COL4A3: variants seen among roughly 807,000 people sequenced by gnomAD.
COL4A3 encodes collagen alpha-3(IV) chain.
Under a neutral mutation model 217.4 loss-of-function variants are expected in COL4A3, and 135 were observed. The observed-to-expected ratio is 0.62, with a 90% CI of 0.54 to 0.72. The LOEUF is 0.72. Ranked by LOEUF, COL4A3 falls within the 30% of genes least tolerant of loss-of-function variation. COL4A3 has a pLI of 0.00. For synonymous variants in COL4A3, 690 were observed against 736.3 expected (o/e 0.94, Z 1.02); for missense variants, 1,868 against 2,119.9 (o/e 0.88, Z 2.33).
chr2:227,290,812 A>G lies in COL4A3; in HGVS notation c.3136A>G (p.Ile1046Val), dbSNP rs1478306242. Residue 1046 changes from isoleucine (I) to valine (V), a missense_variant, in exon 37 of 52, where the codon ATT becomes GTT. This residue lies in a region of COL4A3 where 1,503 missense variants were observed against 1,786.1 expected (regional missense o/e 0.84). Coordinates refer to ENST00000396578, the MANE Select transcript of COL4A3 (RefSeq NM_000091.5). ...GRAGRPGLPG[I>V]HGLQGDKGEP... ...AGCAGGAAGACCAGGCCTCCCAGGT[A>G]TTCATGGTCTCCAGGGAGATAAGGG... 11 of 1,613,566 alleles carry G rather than the reference A, an allele frequency of 6.8e-6. No individual in the cohort carries two copies. The highest frequency in any genetic ancestry group is 9.3e-6 in the Non-Finnish European group (11 of 1,179,828).
At chr2:227,230,380 C>T (rs2068336573) in intron 1 of COL4A3, among the ~76,000 whole-genome samples, 1 of 152,132 alleles carries the variant, frequency 6.6e-6, no homozygotes, top group African/African-American at 2.4e-5. Flanking sequence ...TTATTAAGAG[C>T]TTTCTGTTCA....
chr2:227,230,192 G>A (rs2068325484), intron 1 of COL4A3, among the ~76,000 whole-genome samples: 1 of 152,028 alleles, frequency 6.6e-6, no homozygotes. Context: ...AAACCTTTTT[G>A]GATTCTCTAC....
At chr2:227,245,822 G>T in intron 5 of COL4A3, 132 bp from the exon 6 acceptor site, 1 of 766,188 alleles carries the variant, frequency 1.3e-6, no homozygotes. Flanking sequence ...AAACCACAAT[G>T]TACATTTACT....
chr2:227,190,675 G>A (rs960038097), intron 1 of COL4A3, among the ~76,000 whole-genome samples: 21 of 152,216 alleles, frequency 1.4e-4, no homozygotes, highest in Non-Finnish European at 2.2e-4. Context: ...GGGAGGCCAA[G>A]GCAGGCAGAT....
intron 1 of COL4A3, among the ~76,000 whole-genome samples, chr2:227,204,849 C>T (rs1470864368): frequency 2.0e-5 from 3 of 152,202 alleles, no homozygotes; most frequent in Non-Finnish European, 4.4e-5. Context: ...TGTGTACACA[C>T]ATAATCACAA....
At chr2:227,264,938 C>T (rs1019244031) in intron 21 of COL4A3, 1 of 152,306 alleles carries the variant, frequency 6.6e-6, no homozygotes, top group African/African-American at 2.4e-5. Context: ...GTCCTTCAGA[C>T]TTCAGCTTCA....
chr2:227,298,808 G>A lies in COL4A3; in HGVS notation c.3878G>A (p.Arg1293His), dbSNP rs201095498. Residue 1293 changes from arginine (R) to histidine (H), a missense_variant, in exon 43 of 52, where the codon CGT becomes CAT. Transcript: ENST00000396578. ...GTAGDMGPPGRLGAPGTPGLP... is the reference protein window; with the variant it reads ...GTAGDMGPPGHLGAPGTPGLP... ...GCAGGAGACATGGGACCACCAGGTC[G>A]TCTGGTGAGTATGGATAATTATTTT... 67 of 1,613,450 alleles carry A rather than the reference G, an allele frequency of 4.2e-5. No individual in the cohort carries two copies. The highest frequency in any genetic ancestry group is 4.7e-5 in the Non-Finnish European group (55 of 1,179,880).
chr2:227,244,927 C>G (rs931406400), intron 4 of COL4A3, 24 bp from the exon 5 acceptor site: 4 of 1,610,280 alleles, frequency 2.5e-6, no homozygotes, highest in Non-Finnish European at 3.4e-6. Flanking sequence ...TTTTGCCACC[C>G]CCTCCTTTTT....
At chr2:227,165,169 G>C (rs2065193750) in intron 1 of COL4A3, among the ~76,000 whole-genome samples, 1 of 151,990 alleles carries the variant, frequency 6.6e-6, no homozygotes, top group African/African-American at 2.4e-5. Flanking sequence ...GAGATGCACG[G>C]TGTCACGCTG....
chr2:227,244,911 T>C, intron 4 of COL4A3, 40 bp from the exon 5 acceptor site: 2 of 809,954 alleles, frequency 2.5e-6, no homozygotes, highest in African/African-American at 3.4e-5. Context: ...TTTTAAAGTT[T>C]TTTTTTTTTG....
intron 51 of COL4A3, among the ~76,000 whole-genome samples, chr2:227,311,533 C>T (rs547485356): frequency 9.9e-5 from 15 of 152,192 alleles, no homozygotes; most frequent in East Asian, 1.9e-4. Flanking sequence ...GCGTATGCCA[C>T]GACACCCATC....
At chr2:227,202,926 TATATATGTGTATATATGTGTATATATAC>T (rs2066799614) in intron 1 of COL4A3, among the ~76,000 whole-genome samples, 2 of 31,330 alleles carry the variant, frequency 6.4e-5, no homozygotes, top group African/African-American at 2.0e-4. Context: ...CATATATGTG[TATATATGTGTATATATGTGTATATATAC>T]ATATATGTGT....
intron 1 of COL4A3, among the ~76,000 whole-genome samples, chr2:227,224,371 T>C (rs2067973609): frequency 6.6e-6 from 1 of 152,214 alleles, no homozygotes; most frequent in African/African-American, 2.4e-5. Flanking sequence ...ATGTTTATTC[T>C]GACTTTGTTT....
intron 19 of COL4A3, among the ~76,000 whole-genome samples, chr2:227,260,683 T>C (rs1298795296): frequency 6.6e-6 from 1 of 152,214 alleles, no homozygotes; most frequent in African/African-American, 2.4e-5. Context: ...CACATGTATA[T>C]ATAAAGGAAT....
At chr2:227,184,384 A>G (rs1451000901) in intron 1 of COL4A3, among the ~76,000 whole-genome samples, 1 of 152,224 alleles carries the variant, frequency 6.6e-6, no homozygotes, top group Non-Finnish European at 1.5e-5. Context: ...GGTAAAATTA[A>G]GATTGACTCA....
intron 1 of COL4A3, among the ~76,000 whole-genome samples, chr2:227,170,212 A>G (rs1405917357): frequency 1.3e-5 from 2 of 149,990 alleles, no homozygotes; most frequent in African/African-American, 4.9e-5. Flanking sequence ...TTCTTATTTA[A>G]CAGTTTGTAG....
chr2:227,290,499 C>A (rs1340633091), intron 36 of COL4A3, among the ~76,000 whole-genome samples: 2 of 151,118 alleles, frequency 1.3e-5, no homozygotes, highest in Non-Finnish European at 2.9e-5. Context: ...GACTCCATCT[C>A]AAAAAAAACC....
intron 11 of COL4A3, among the ~76,000 whole-genome samples, chr2:227,252,409 T>C (rs2069819295): frequency 6.6e-6 from 1 of 151,568 alleles, no homozygotes; most frequent in African/African-American, 2.4e-5. Flanking sequence ...AGAGACAGGG[T>C]CTTACCATGT....
At chr2:227,249,230 A>ATATATATATATATATTTTT in intron 9 of COL4A3, among the ~76,000 whole-genome samples, 1 of 14,682 alleles carries the variant, frequency 6.8e-5, no homozygotes, top group Non-Finnish European at 1.2e-4. Context: ...ATATATATAT[A>ATATATATATATATATTTTT]TTTTTTTTTT....
Sources: allele counts gnomAD v4.1 joint callset (sites outside exome capture counted in the v4.1 genomes callset), GRCh38; gene constraint gnomAD v4.1.1; regional missense constraint gnomAD v4.1.1; transcripts MANE v1.5; gene names NCBI Gene and HGNC (gene_info 2026-07-23, HGNC 2026-07-21).